Variants in KDM1B observed in about 807,000 individuals in gnomAD.
KDM1B encodes the protein lysine-specific histone demethylase 2.
A neutral mutation model predicts 107.4 loss-of-function variants in KDM1B; 63 were observed. The observed-to-expected ratio is 0.59, with a 90% CI of 0.48 to 0.72. KDM1B has a LOEUF of 0.72. Ranked by LOEUF, KDM1B falls within the 30% of genes least tolerant of loss-of-function variation. The pLI is 0.00. For synonymous variants in KDM1B, 363 were observed against 363.9 expected (o/e 1.00, Z 0.03); for missense variants, 749 against 1,020.8 (o/e 0.73, Z 3.63).
intron 20 of KDM1B, among the ~76,000 whole-genome samples, chr6:18,216,344 G>T (rs1158913764): frequency 6.6e-6 from 1 of 152,204 alleles, no homozygotes; most frequent in Non-Finnish European, 1.5e-5. Context: ...GCCTCCTAAA[G>T]TGCTGGGATT....
intron 2 of KDM1B, among the ~76,000 whole-genome samples, chr6:18,157,036 C>A (rs112684024): frequency 6.6e-6 from 1 of 152,066 alleles, no homozygotes; most frequent in South Asian, 2.1e-4. Flanking sequence ...ACTTTTTTAT[C>A]ACATTAAAAG....
intron 6 of KDM1B, among the ~76,000 whole-genome samples, chr6:18,170,371 A>G (rs1025712394): frequency 6.6e-6 from 1 of 152,174 alleles, no homozygotes; most frequent in Non-Finnish European, 1.5e-5. Context: ...GGATTTCATC[A>G]GTTTCTTCAC....
chr6:18,213,179 G>A lies in KDM1B; in HGVS notation c.1984-477G>A, dbSNP rs1054315207. Among the ~76,000 whole-genome samples the A allele has an allele frequency of 6.6e-6, 1 of 152,198 alleles. No homozygotes were observed. Among genetic ancestry groups the A allele is most frequent in the Non-Finnish European group, 1.5e-5 (1 of 68,042 alleles). On this transcript the variant is annotated intron_variant, in intron 18 of 21. Transcript: ENST00000650836. The surrounding 1 kb of genome is among the most constrained non-coding windows in gnomAD (Gnocchi z 5.9). The stretch of plus-strand genomic sequence containing the variant: ...GGGCTGGGCACAGTGGCTCATGCCT[G>A]TAATCCCAGCACTTTGGAAGGCTGA...
intron 6 of KDM1B, among the ~76,000 whole-genome samples, chr6:18,166,945 A>G (rs967805795): frequency 6.6e-6 from 1 of 152,022 alleles, no homozygotes; most frequent in Admixed American, 6.6e-5. Context: ...TAGCTTTTTG[A>G]TCCTTTTTTT....
rs1211403435 is a variant in KDM1B at position 18,203,838 on chromosome 6, C to T, written c.1532-1699C>T. ...ATTGCACTTCAGTCTTGATGACAAGCGAAACTCCGTCTCCAAAAAAAAAAA... is the reference window on the plus strand; with the variant it reads ...ATTGCACTTCAGTCTTGATGACAAGTGAAACTCCGTCTCCAAAAAAAAAAA... On this transcript the variant is annotated intron_variant, in intron 14 of 21. Coordinates refer to ENST00000650836, the MANE Select transcript of KDM1B (RefSeq NM_001364614.2). The surrounding 1 kb of genome is among the most constrained non-coding windows in gnomAD (Gnocchi z 5.5). Among the ~76,000 whole-genome samples the T allele has an allele frequency of 3.2e-5, 4 of 123,836 alleles. No homozygotes were observed. The highest frequency in any genetic ancestry group is 9.9e-5 in the African/African-American group (3 of 30,418). The allele number at this position is 123,836 out of a possible 152,430, so 81.2% of individuals were successfully genotyped here.
At chr6:18,175,215 G>A (rs1035900744) in intron 7 of KDM1B, among the ~76,000 whole-genome samples, 3 of 152,194 alleles carry the variant, frequency 2.0e-5, no homozygotes, top group East Asian at 1.9e-4. Flanking sequence ...TTGTGGTTTC[G>A]ACTTGCGTTT....
chr6:18,165,558 C>G (rs1483195315), intron 5 of KDM1B, among the ~76,000 whole-genome samples: 1 of 152,184 alleles, frequency 6.6e-6, no homozygotes, highest in Non-Finnish European at 1.5e-5. Flanking sequence ...TGCAGTGGCT[C>G]ACGCCTATAA....
In KDM1B at chr6:18,207,386, CTT is replaced by C. The variant is rs765094464; in HGVS notation, c.1660-11_1660-10del. 1.4e-5 allele frequency: 23 copies of C among 1,613,928 alleles called. No individual in the cohort carries two copies. The highest frequency in any genetic ancestry group is 1.1e-4 in the African/African-American group (8 of 75,060). On this transcript the variant is annotated splice_polypyrimidine_tract_variant and intron_variant, in intron 15 of 21. Coordinates refer to ENST00000650836, the MANE Select transcript of KDM1B (RefSeq NM_001364614.2). ...TTACACTGCTGTGTCCCCAACCTCT[CTT>C]GTTTCCCAGGTATCTGCTCGCTCGT...
chr6:18,196,235 T>C (rs1314338589), intron 10 of KDM1B, among the ~76,000 whole-genome samples: 3 of 152,226 alleles, frequency 2.0e-5, no homozygotes, highest in Non-Finnish European at 2.9e-5. Context: ...CATCCATCAG[T>C]GGACTCCAGG....
rs1247117501 is a variant in KDM1B, at chr6:18,191,181, T to C, written c.785-16T>C. ...GTTACAGCTTGTAGGAGTTGCCCAT[T>C]TGTGTTACCTATCAGTTCCAGGCAT... On this transcript the variant is annotated splice_polypyrimidine_tract_variant and intron_variant, in intron 9 of 21. Transcript: ENST00000650836. This position sits in a 1 kb window ranked among gnomAD's most constrained non-coding sequence, Gnocchi z 5.1. 1 of 1,547,310 alleles carries C rather than the reference T, an allele frequency of 6.5e-7. No homozygotes were observed.
intron 7 of KDM1B, among the ~76,000 whole-genome samples, chr6:18,174,377 G>A (rs1409353050): frequency 1.3e-5 from 2 of 152,124 alleles, no homozygotes; most frequent in Admixed American, 6.6e-5. Context: ...GTCATTTGGA[G>A]AAGTGACATC....
At chr6:18,206,818 A>T (rs1359694449) in intron 15 of KDM1B, among the ~76,000 whole-genome samples, 1 of 152,172 alleles carries the variant, frequency 6.6e-6, no homozygotes, top group Non-Finnish European at 1.5e-5. Context: ...TCGAGAAGCC[A>T]AAATAGAGTA....
intron 3 of KDM1B, among the ~76,000 whole-genome samples, chr6:18,160,757 A>T (rs1784916172): frequency 6.6e-6 from 1 of 151,064 alleles, no homozygotes; most frequent in Admixed American, 6.6e-5. Flanking sequence ...AATAGAGGGT[A>T]TAACTGCTCT....
At chr6:18,178,627 G>A (rs6904025) in intron 7 of KDM1B, among the ~76,000 whole-genome samples, 19,983 of 151,100 alleles carry the variant, frequency 0.13, 1,376 homozygotes, top group South Asian at 0.19. Flanking sequence ...TCCTGACCTC[G>A]TGATCTACCT....
intron 20 of KDM1B, among the ~76,000 whole-genome samples, chr6:18,215,476 C>G (rs1192435330): frequency 6.6e-6 from 1 of 152,172 alleles, no homozygotes; most frequent in Non-Finnish European, 1.5e-5. Context: ...ATGGGCTTCC[C>G]TCTGTGTGTG....
At chr6:18,166,115 T>C in intron 5 of KDM1B, 152 bp from the exon 6 acceptor site, 1 of 570,444 alleles carries the variant, frequency 1.8e-6, no homozygotes, top group South Asian at 2.4e-5. Flanking sequence ...ACAGCCTGTT[T>C]TATGGGTGCC....
At chr6:18,168,720 A>T (rs1416794578) in intron 6 of KDM1B, among the ~76,000 whole-genome samples, 6 of 152,142 alleles carry the variant, frequency 3.9e-5, no homozygotes, top group African/African-American at 1.4e-4. Flanking sequence ...TCTGTAGCAT[A>T]TGAGGGTTCT....
At chr6:18,174,242 CT>C (rs140242930) in intron 7 of KDM1B, among the ~76,000 whole-genome samples, 1 of 151,384 alleles carries the variant, frequency 6.6e-6, no homozygotes, top group African/African-American at 2.4e-5. Context: ...ATTCTTCTAA[CT>C]TTTTTTTTGT....
intron 14 of KDM1B, among the ~76,000 whole-genome samples, chr6:18,202,291 C>T (rs1201596943): frequency 6.6e-6 from 1 of 151,168 alleles, no homozygotes; most frequent in Non-Finnish European, 1.5e-5. Flanking sequence ...CCCAGCTACT[C>T]GGGAGGCTGA....
Sources: allele counts gnomAD v4.1 joint callset (sites outside exome capture counted in the v4.1 genomes callset), GRCh38; gene constraint gnomAD v4.1.1; non-coding constraint Gnocchi (gnomAD v3.1); transcripts MANE v1.5; gene names NCBI Gene and HGNC (gene_info 2026-07-23, HGNC 2026-07-21).